TENM2: variants seen among roughly 807,000 people sequenced by gnomAD.
TENM2 encodes teneurin transmembrane protein 2.
A neutral mutation model predicts 245.2 loss-of-function variants in TENM2; 52 were observed. The ratio of observed to expected loss-of-function variants is 0.21; its 90% CI spans 0.17 to 0.27. The LOEUF is 0.27. Ranked by LOEUF, TENM2 falls within the 10% of genes least tolerant of loss-of-function variation. The probability of loss-of-function intolerance (pLI) is 1.00; values close to 1 mark genes in which losing one functional copy is unlikely to be tolerated. For missense variants in TENM2, 3,046 were observed against 3,666.8 expected (o/e 0.83, Z 4.37); for synonymous variants, 1,363 against 1,438.9 (o/e 0.95, Z 1.19).
intron 2 of TENM2, among the ~76,000 whole-genome samples, chr5:167,390,621 A>G (rs927487437): frequency 3.9e-5 from 6 of 152,198 alleles, no homozygotes; most frequent in African/African-American, 1.4e-4. Context: ...TGTGGAAGCA[A>G]TTACTATTAT....
chr5:168,030,720 C>A (rs1787069445), intron 5 of TENM2, among the ~76,000 whole-genome samples: 1 of 152,190 alleles, frequency 6.6e-6, no homozygotes, highest in South Asian at 2.1e-4. Context: ...CTCTATGAAG[C>A]TACACAAGGC....
chr5:167,168,425 T>C, the TENM2 span: 1 of 152,212 alleles, frequency 6.6e-6, no homozygotes, highest in South Asian at 2.1e-4. Context: ...CCTTCACAAG[T>C]CCTCTTGTTT....
At chr5:167,128,231 C>A in the TENM2 span, among the ~76,000 whole-genome samples, 1 of 152,056 alleles carries the variant, frequency 6.6e-6, no homozygotes, top group Non-Finnish European at 1.5e-5. Flanking sequence ...GAAAAGGTAG[C>A]TATTAATAGA....
intron 1 of TENM2, among the ~76,000 whole-genome samples, chr5:167,289,575 C>G (rs1754523345): frequency 6.6e-6 from 1 of 152,168 alleles, no homozygotes; most frequent in Admixed American, 6.5e-5. Flanking sequence ...AGCATGTAAA[C>G]AAAAATCAAC....
At chr5:168,012,875 G>A (rs1054501539) in intron 5 of TENM2, among the ~76,000 whole-genome samples, 3 of 150,498 alleles carry the variant, frequency 2.0e-5, no homozygotes, top group Admixed American at 6.7e-5. Flanking sequence ...CCCTGGCATC[G>A]TTTCTGCTGC....
chr5:168,228,854 ATAT>A (rs927614378), intron 25 of TENM2, among the ~76,000 whole-genome samples: 15 of 148,484 alleles, frequency 1.0e-4, no homozygotes, highest in African/African-American at 3.4e-4. Flanking sequence ...AACATTAATT[ATAT>A]TATTATTATA....
At chr5:167,289,026 GC>G (rs1554129607) in intron 1 of TENM2, among the ~76,000 whole-genome samples, 2 of 152,164 alleles carry the variant, frequency 1.3e-5, no homozygotes, top group Non-Finnish European at 2.9e-5. Context: ...CCAGCTCCCA[GC>G]CCTGCTGATC....
At chr5:167,170,527 A>G in the TENM2 span, among the ~76,000 whole-genome samples, 1 of 152,210 alleles carries the variant, frequency 6.6e-6, no homozygotes, top group Non-Finnish European at 1.5e-5. Flanking sequence ...TTTGCATGGC[A>G]TGTCACGTAT....
At chr5:167,233,110 G>C in the TENM2 span, among the ~76,000 whole-genome samples, 1 of 152,174 alleles carries the variant, frequency 6.6e-6, no homozygotes, top group Non-Finnish European at 1.5e-5. Flanking sequence ...TCTGAGTTTC[G>C]TGGAGGGAGA....
the TENM2 span, among the ~76,000 whole-genome samples, chr5:167,189,943 T>A: frequency 2.6e-5 from 4 of 152,126 alleles, no homozygotes; most frequent in Non-Finnish European, 5.9e-5. Flanking sequence ...ATAATAGTCC[T>A]ATGAAAGTCT....
the TENM2 span, among the ~76,000 whole-genome samples, chr5:167,004,267 T>G: frequency 6.6e-6 from 1 of 152,208 alleles, no homozygotes; most frequent in South Asian, 2.1e-4. Context: ...TTTTTACATC[T>G]CATTGGAACA....
At chr5:167,411,741 T>C (rs942732074) in intron 2 of TENM2, among the ~76,000 whole-genome samples, 1 of 152,084 alleles carries the variant, frequency 6.6e-6, no homozygotes, top group Non-Finnish European at 1.5e-5. Context: ...ACTCTCTCTG[T>C]TGGTCTGCAA....
intron 2 of TENM2, among the ~76,000 whole-genome samples, chr5:167,439,377 G>A (rs1764756691): frequency 6.6e-6 from 1 of 152,148 alleles, no homozygotes; most frequent in South Asian, 2.1e-4. Context: ...TACGTGATTT[G>A]ATGATTGAAC....
chr5:167,332,282 T>C (rs1174915908), intron 1 of TENM2, among the ~76,000 whole-genome samples: 1 of 152,232 alleles, frequency 6.6e-6, no homozygotes, highest in African/African-American at 2.4e-5. Flanking sequence ...GATTTCCTTA[T>C]GGTATTTTAA....
the TENM2 span, among the ~76,000 whole-genome samples, chr5:167,055,541 A>G: frequency 2.0e-5 from 3 of 152,226 alleles, no homozygotes; most frequent in South Asian, 2.1e-4. Context: ...ATCCATTGAC[A>G]TGGAATATCT....
chr5:167,254,159 A>G, the TENM2 span, among the ~76,000 whole-genome samples: 1 of 152,126 alleles, frequency 6.6e-6, no homozygotes, highest in Non-Finnish European at 1.5e-5. Flanking sequence ...CATGGGGACC[A>G]CGGCCTTCCG....
chr5:167,450,963 G>T (rs12658534), intron 2 of TENM2, among the ~76,000 whole-genome samples: 1 of 151,924 alleles, frequency 6.6e-6, no homozygotes, highest in South Asian at 2.1e-4. Flanking sequence ...TTGCAAGACT[G>T]TACAGTCTCT....
chr5:167,629,956 G>T (rs1337704307), intron 2 of TENM2, among the ~76,000 whole-genome samples: 1 of 151,998 alleles, frequency 6.6e-6, no homozygotes, highest in African/African-American at 2.4e-5. Flanking sequence ...ACAATGCTGT[G>T]GGAAATCCAA....
At chr5:168,054,494 G>T (rs533903429) in intron 6 of TENM2, among the ~76,000 whole-genome samples, 4 of 152,352 alleles carry the variant, frequency 2.6e-5, no homozygotes, top group African/African-American at 9.6e-5. Flanking sequence ...AAAAATATGT[G>T]AGGCAGAATA....
Sources: gnomAD v4.1 joint callset for allele counts (sites outside exome capture counted in the v4.1 genomes callset) on GRCh38, gnomAD v4.1.1 for gene constraint, MANE v1.5 for transcripts, NCBI Gene and HGNC (gene_info 2026-07-23, HGNC 2026-07-21) for gene names.